The following CLMN variants were observed in gnomAD, a reference collection of about 807,000 sequenced individuals.
CLMN encodes the protein calmin.
In CLMN, 57 loss-of-function variants were observed where a neutral mutation model predicts 92.7. The ratio of observed to expected loss-of-function variants is 0.61; its 90% CI spans 0.50 to 0.77. CLMN has a LOEUF of 0.77. CLMN is among the 30% of genes least tolerant of loss of function. The probability of loss-of-function intolerance (pLI) is 0.00; values close to 1 mark genes in which losing one functional copy is unlikely to be tolerated. For missense variants in CLMN, 1,158 were observed against 1,237.5 expected (o/e 0.94, Z 0.96); for synonymous variants, 466 against 470.6 (o/e 0.99, Z 0.13).
chr14:95,303,387 A>C (rs554850095), intron 1 of CLMN, among the ~76,000 whole-genome samples: 2 of 152,334 alleles, frequency 1.3e-5, no homozygotes, highest in South Asian at 4.1e-4. Flanking sequence ...GGGGTGTCAA[A>C]TTAACCCCAC....
chr14:95,190,516 G>C lies in CLMN; in HGVS notation c.*1048C>G, dbSNP rs1021192956. On this transcript the variant is annotated 3_prime_UTR_variant, in exon 13 of 13. Transcript: ENST00000298912. ...GACCTGAGTCTTGGCAGGGAGGAGA[G>C]AGCAGAGGGAGCCTGGGGCTGAGGA... is the stretch of plus-strand genomic sequence containing the variant. 6.6e-6 allele frequency: 1 copy of C among 152,626 alleles called. No homozygotes were observed. Among genetic ancestry groups the C allele is most frequent in the East Asian group, 1.9e-4 (1 of 5,202 alleles). 9.5% of individuals were successfully genotyped at this position (152,626 alleles called of 1,614,324 possible).
chr14:95,219,504 G>A (rs1184021757), intron 4 of CLMN, among the ~76,000 whole-genome samples: 1 of 152,224 alleles, frequency 6.6e-6, no homozygotes, highest in African/African-American at 2.4e-5. Flanking sequence ...GCAGCTTTCG[G>A]TCTGGCTGGT....
intron 3 of CLMN, 115 bp downstream of exon 3, chr14:95,223,645 C>T: frequency 1.3e-6 from 1 of 748,966 alleles, no homozygotes; most frequent in African/African-American, 1.8e-5. Flanking sequence ...AAAAAAGTCA[C>T]CGCTTCAGAG....
chr14:95,220,452 C>T (rs1897498754), intron 4 of CLMN, among the ~76,000 whole-genome samples: 1 of 152,216 alleles, frequency 6.6e-6, no homozygotes, highest in African/African-American at 2.4e-5. Context: ...GCTGGGATTA[C>T]AGGCGTGAGC....
At chr14:95,281,803 G>A (rs114362211) in intron 1 of CLMN, among the ~76,000 whole-genome samples, 4,357 of 152,216 alleles carry the variant, frequency 0.029, 195 homozygotes, top group African/African-American at 0.093. Flanking sequence ...CTTACTCAAC[G>A]TTTTCTTAAA....
chr14:95,265,059 C>T (rs1899418770), intron 1 of CLMN, among the ~76,000 whole-genome samples: 1 of 151,812 alleles, frequency 6.6e-6, no homozygotes, highest in South Asian at 2.1e-4. Context: ...CCACCACATG[C>T]CAAAACCCTG....
intron 1 of CLMN, among the ~76,000 whole-genome samples, chr14:95,232,497 C>T (rs535937638): frequency 2.7e-4 from 41 of 152,260 alleles, no homozygotes; most frequent in African/African-American, 9.9e-4. Flanking sequence ...TTATGCCTTA[C>T]AATATTTTTA....
chr14:95,300,708 C>T (rs890707462), intron 1 of CLMN, among the ~76,000 whole-genome samples: 50 of 152,206 alleles, frequency 3.3e-4, no homozygotes, highest in Non-Finnish European at 6.9e-4. Context: ...TCTGAACAGC[C>T]TTCCATAAAA....
intron 1 of CLMN, among the ~76,000 whole-genome samples, chr14:95,284,844 C>A (rs1470433202): frequency 6.6e-6 from 1 of 152,064 alleles, no homozygotes; most frequent in Non-Finnish European, 1.5e-5. Context: ...TGGGTTAATG[C>A]TGAAATTAGT....
At chr14:95,250,088 C>T (rs1595058659) in intron 1 of CLMN, among the ~76,000 whole-genome samples, 1 of 152,226 alleles carries the variant, frequency 6.6e-6, no homozygotes, top group East Asian at 1.9e-4. Flanking sequence ...ACCGCCACTG[C>T]TAAGAATGAC....
intron 1 of CLMN, among the ~76,000 whole-genome samples, chr14:95,290,532 A>G (rs1275554348): frequency 6.6e-6 from 1 of 152,226 alleles, no homozygotes; most frequent in Non-Finnish European, 1.5e-5. Context: ...CTGGCTTTGA[A>G]GATGGAGGAA....
At chr14:95,262,683 C>T (rs1899306638) in intron 1 of CLMN, among the ~76,000 whole-genome samples, 1 of 152,204 alleles carries the variant, frequency 6.6e-6, no homozygotes, top group Admixed American at 6.5e-5. Context: ...CCTTCCACCT[C>T]AGCCTTCCGA....
chr14:95,293,970 C>G (rs1900703989), intron 1 of CLMN, among the ~76,000 whole-genome samples: 2 of 152,178 alleles, frequency 1.3e-5, no homozygotes, highest in African/African-American at 4.8e-5. Flanking sequence ...TTACCAAACG[C>G]CAGCAGGGAA....
intron 6 of CLMN, 64 bp from the exon 7 acceptor site, chr14:95,210,943 T>C (rs1187604): frequency 0.095 from 138,905 of 1,467,138 alleles, 11,247 homozygotes; most frequent in East Asian, 0.48. Context: ...AGGTGCAAGG[T>C]CAGCATGCAG....
chr14:95,234,454 G>A (rs1295093346), intron 1 of CLMN, among the ~76,000 whole-genome samples: 3 of 152,130 alleles, frequency 2.0e-5, no homozygotes, highest in Non-Finnish European at 2.9e-5. Flanking sequence ...TAAATCCAAC[G>A]GCCCCTTTTT....
chr14:95,277,384 T>C (rs988908668), intron 1 of CLMN, among the ~76,000 whole-genome samples: 1 of 152,386 alleles, frequency 6.6e-6, no homozygotes, highest in Middle Eastern at 3.4e-3. Context: ...CCCTCTCATC[T>C]TGTTTTATGT....
Position 95,194,222 on chromosome 14 carries a change from C to A in CLMN, c.2770-303G>T. On this transcript the variant is annotated intron_variant, in intron 11 of 12. Coordinates refer to ENST00000298912, the MANE Select transcript of CLMN (RefSeq NM_024734.4). This position sits in a 1 kb window ranked among gnomAD's most constrained non-coding sequence, Gnocchi z 4.0. ...TGCCACTGTCCATCGGACCTTGACT[C>A]ATGTTGCACCTCTGTCTCTGAACGT... 1 of 1,392,494 alleles carries A rather than the reference C, an allele frequency of 7.2e-7. No individual in the cohort carries two copies. Among genetic ancestry groups the A allele is most frequent in the East Asian group, 2.7e-5 (1 of 37,088 alleles). 86.3% of individuals were successfully genotyped at this position (1,392,494 alleles called of 1,614,324 possible). A position where few individuals can be genotyped will look rare whatever the true frequency, so the allele number is the denominator to read the frequency against.
At chr14:95,267,251 G>A (rs1484693742) in intron 1 of CLMN, among the ~76,000 whole-genome samples, 1 of 152,102 alleles carries the variant, frequency 6.6e-6, no homozygotes, top group Non-Finnish European at 1.5e-5. Context: ...CATACAGAAT[G>A]GGAGAAAATA....
At chr14:95,258,652 G>T (rs1243546004) in intron 1 of CLMN, among the ~76,000 whole-genome samples, 1 of 135,640 alleles carries the variant, frequency 7.4e-6, no homozygotes, top group African/African-American at 3.1e-5. Flanking sequence ...GTGTGTGGAG[G>T]GTGTGTGTAT....
Sources: allele counts gnomAD v4.1 joint callset (sites outside exome capture counted in the v4.1 genomes callset), GRCh38; gene constraint gnomAD v4.1.1; non-coding constraint Gnocchi (gnomAD v3.1); transcripts MANE v1.5; gene names NCBI Gene and HGNC (gene_info 2026-07-23, HGNC 2026-07-21).